DENND1B: variants seen among roughly 807,000 people sequenced by gnomAD.
The protein encoded by DENND1B is DENN domain-containing protein 1B.
DENND1B carries 59 observed loss-of-function variants against 90.1 expected under a neutral mutation model. The ratio of observed to expected loss-of-function variants is 0.65; its 90% confidence interval spans 0.53 to 0.81. DENND1B has a LOEUF of 0.81. Among genes scored for constraint, DENND1B ranks in the 40% least tolerant of loss-of-function variants. The pLI is 0.00. For missense variants in DENND1B, 862 were observed against 912.6 expected (o/e 0.94, Z 0.71); for synonymous variants, 337 against 324.6 (o/e 1.04, Z -0.41).
intron 13 of DENND1B, among the ~76,000 whole-genome samples, chr1:197,601,967 C>G (rs1258013488): frequency 6.6e-6 from 1 of 151,506 alleles, no homozygotes; most frequent in African/African-American, 2.4e-5. Flanking sequence ...AATTATATCT[C>G]TGATAATAAC....
intron 2 of DENND1B, chr1:197,735,471 T>C: frequency 6.5e-7 from 1 of 1,537,198 alleles, no homozygotes; most frequent in East Asian, 2.4e-5. Flanking sequence ...ATTTCCTTTG[T>C]TAGAAGAAGT....
intron 2 of DENND1B, among the ~76,000 whole-genome samples, chr1:197,742,220 A>T (rs1663278896): frequency 6.6e-6 from 1 of 152,194 alleles, no homozygotes; most frequent in Admixed American, 6.5e-5. Context: ...ACCTAGAGGT[A>T]AATAACCACA....
In DENND1B at chr1:197,596,163, T is replaced by G. The variant is rs146511471; in HGVS notation, c.922-830A>C. 5.9e-3 allele frequency among the ~76,000 whole-genome samples: 900 copies of G among 152,186 alleles called. 13 individuals carry two copies. The highest frequency in any genetic ancestry group is 0.02 in the African/African-American group (842 of 41,566). On this transcript the variant is annotated intron_variant, in intron 13 of 22. Transcript: ENST00000620048. ...TCAAAGAAAAACTTACCTAAAAATG[T>G]GCATAATTTTAAAAGATATTTAAGT...
intron 3 of DENND1B, among the ~76,000 whole-genome samples, chr1:197,697,084 C>CAA (rs778684569): frequency 2.7e-4 from 21 of 78,784 alleles, no homozygotes; most frequent in Admixed American, 6.9e-4. Context: ...AGAAATTCCA[C>CAA]AAAAAAAAAA....
At position 197,717,223 on chromosome 1, in the gene DENND1B, A is replaced by C. The variant is rs914128562; in HGVS notation, c.83-2149T>G. 2.8e-4 allele frequency among the ~76,000 whole-genome samples: 43 copies of C among 152,104 alleles called. 1 individual carries two copies. Among genetic ancestry groups the C allele is most frequent in the African/African-American group, 9.9e-4 (41 of 41,544 alleles). ...AGGAAGAAACAAAAGGGCTCTGAAA[A>C]AAATAATCCGATTCAACAACTTTAT... On this transcript the variant is annotated intron_variant, in intron 2 of 22. Coordinates refer to ENST00000620048, the MANE Select transcript of DENND1B (RefSeq NM_001195215.2).
chr1:197,774,985 G>C (rs963269898), intron 1 of DENND1B, among the ~76,000 whole-genome samples, 154 bp downstream of exon 1: 4 of 151,924 alleles, frequency 2.6e-5, no homozygotes, highest in Non-Finnish European at 4.4e-5. Context: ...CGGCCGGCCA[G>C]AGGCTTGGGG....
At chr1:197,543,448 A>T (rs895530029) in intron 18 of DENND1B, among the ~76,000 whole-genome samples, 2 of 152,224 alleles carry the variant, frequency 1.3e-5, no homozygotes, top group South Asian at 2.1e-4. Context: ...GCCTAAAAAA[A>T]ACCCTCAACT....
intron 3 of DENND1B, among the ~76,000 whole-genome samples, chr1:197,699,868 A>C (rs1234678685): frequency 2.6e-5 from 4 of 152,162 alleles, no homozygotes; most frequent in Non-Finnish European, 5.9e-5. Flanking sequence ...CAATCACTAC[A>C]AAGAGAATAA....
At chr1:197,674,367 G>A (rs1184489134) in intron 3 of DENND1B, among the ~76,000 whole-genome samples, 198 bp from the exon 4 acceptor site, 2 of 152,120 alleles carry the variant, frequency 1.3e-5, no homozygotes, top group African/African-American at 4.8e-5. Context: ...CACTGACAAT[G>A]CCACAGAAAC....
At chr1:197,686,773 G>T (rs1358101222) in intron 3 of DENND1B, among the ~76,000 whole-genome samples, 1 of 148,960 alleles carries the variant, frequency 6.7e-6, no homozygotes, top group Admixed American at 6.7e-5. Context: ...TTTTCAGGCC[G>T]CTTCACAACT....
At chr1:197,758,270 C>T (rs748523042) in intron 2 of DENND1B, among the ~76,000 whole-genome samples, 1 of 152,196 alleles carries the variant, frequency 6.6e-6, no homozygotes, top group Admixed American at 6.5e-5. Context: ...TTGTTCCTGA[C>T]ACTTCTGCAA....
intron 12 of DENND1B, among the ~76,000 whole-genome samples, chr1:197,607,947 T>C (rs1676839621): frequency 6.6e-6 from 1 of 150,706 alleles, no homozygotes; most frequent in African/African-American, 2.4e-5. Context: ...TATAATTTTA[T>C]TAGTCTTATT....
chr1:197,705,048 T>C (rs1320566628), intron 3 of DENND1B, among the ~76,000 whole-genome samples: 1 of 152,136 alleles, frequency 6.6e-6, no homozygotes, highest in African/African-American at 2.4e-5. Flanking sequence ...GCACCTAGTA[T>C]AGTGCCCAGT....
intron 2 of DENND1B, chr1:197,735,183 T>C (rs1662526503): frequency 2.0e-6 from 2 of 1,001,670 alleles, no homozygotes; most frequent in Admixed American, 5.2e-5. Flanking sequence ...CAATATTGAA[T>C]GGGTCCAACA....
chr1:197,758,139 A>G (rs780639841), intron 2 of DENND1B, among the ~76,000 whole-genome samples: 43 of 152,200 alleles, frequency 2.8e-4, no homozygotes, highest in Non-Finnish European at 7.3e-5. Context: ...GACCTCACCA[A>G]ATATTTATAT....
At chr1:197,767,755 A>C (rs1045473852) in intron 2 of DENND1B, among the ~76,000 whole-genome samples, 7 of 152,202 alleles carry the variant, frequency 4.6e-5, no homozygotes, top group Non-Finnish European at 8.8e-5. Context: ...ACAAAGAAAA[A>C]ACTCAGTAAT....
intron 10 of DENND1B, among the ~76,000 whole-genome samples, chr1:197,639,690 A>AAT (rs1310544548): frequency 1.3e-5 from 2 of 152,122 alleles, no homozygotes; most frequent in African/African-American, 4.8e-5. Flanking sequence ...GTGATATATA[A>AAT]AAATATGAGT....
chr1:197,658,832 A>G (rs1408931636), intron 5 of DENND1B, among the ~76,000 whole-genome samples: 1 of 151,092 alleles, frequency 6.6e-6, no homozygotes, highest in Non-Finnish European at 1.5e-5. Flanking sequence ...GGCAAATTTC[A>G]AAATAACTCA....
At chr1:197,626,078 C>A (rs970908194) in intron 10 of DENND1B, among the ~76,000 whole-genome samples, 5 of 152,038 alleles carry the variant, frequency 3.3e-5, no homozygotes, top group Non-Finnish European at 7.4e-5. Flanking sequence ...TAATGGGAGA[C>A]TTTAACACCC....
Sources: allele counts gnomAD v4.1 joint callset (sites outside exome capture counted in the v4.1 genomes callset), GRCh38; gene constraint gnomAD v4.1.1; transcripts MANE v1.5; gene names NCBI Gene and HGNC (gene_info 2026-07-23, HGNC 2026-07-21).